The following ENKUR variants were observed in gnomAD, a reference collection of about 807,000 sequenced individuals.
The protein encoded by ENKUR is enkurin.
A neutral mutation model predicts 27.6 loss-of-function variants in ENKUR; 19 were observed. The observed-to-expected ratio is 0.69, with a 90% CI of 0.48 to 1.01. ENKUR has a LOEUF of 1.01. Ranked by LOEUF, ENKUR falls within the 50% of genes least tolerant of loss-of-function variation. The pLI is 0.00. For missense variants in ENKUR, 312 were observed against 310.5 expected (o/e 1.00, Z -0.04); for synonymous variants, 117 against 96.9 (o/e 1.21, Z -1.22).
intron 2 of ENKUR, among the ~76,000 whole-genome samples, chr10:25,060,943 A>G (rs1378456732): frequency 6.6e-6 from 1 of 151,662 alleles, no homozygotes; most frequent in Non-Finnish European, 1.5e-5. Flanking sequence ...TGAACTTCTG[A>G]TCTTAAGTGA....
intron 2 of ENKUR, chr10:25,025,279 G>A (rs759330650): frequency 1.2e-6 from 2 of 1,614,166 alleles, no homozygotes; most frequent in Non-Finnish European, 1.7e-6. Context: ...AGAAATCAAT[G>A]AGACTTCATC....
chr10:25,048,350 G>A (rs1851144005), intron 2 of ENKUR, among the ~76,000 whole-genome samples: 1 of 152,012 alleles, frequency 6.6e-6, no homozygotes, highest in Admixed American at 6.6e-5. Flanking sequence ...CAGAACTAGG[G>A]GTCTATATCC....
chr10:24,994,604 C>G (rs1484097675), intron 3 of ENKUR, among the ~76,000 whole-genome samples: 1 of 152,106 alleles, frequency 6.6e-6, no homozygotes, highest in African/African-American at 2.4e-5. Flanking sequence ...GCTGGGATTA[C>G]AGTTGTGAGC....
In ENKUR at chr10:25,024,908, C is replaced by T. The variant is rs774998745; in HGVS notation, c.38-29039G>A. 52 of 1,613,646 alleles carry T rather than the reference C, an allele frequency of 3.2e-5. No homozygotes were observed. Among genetic ancestry groups the T allele is most frequent in the Middle Eastern group, 1.6e-4 (1 of 6,084 alleles). On this transcript the variant is annotated intron_variant, in intron 2 of 5. Coordinates refer to the ENKUR transcript ENST00000615958. ...AGAAAACTAGCACAAACCTTTTCAC[C>T]GTCAATAGATATTCTCAAATCTTCA...
intron 2 of ENKUR, among the ~76,000 whole-genome samples, chr10:25,050,040 C>T (rs1851168269): frequency 6.6e-6 from 1 of 151,990 alleles, no homozygotes; most frequent in Non-Finnish European, 1.5e-5. Context: ...GGGGAGGAGG[C>T]ATGTCACATG....
At position 25,016,092 on chromosome 10, in the gene ENKUR, C is replaced by T; in HGVS notation, c.-156G>A. On this transcript the variant is annotated 5_prime_UTR_variant, in exon 1 of 6. Coordinates refer to ENST00000331161, the MANE Select transcript of ENKUR (RefSeq NM_145010.4). Reference sequence around the variant, plus strand: ...TCACATCGTCCCCCTTTAACCCCCTCTTAGCAGTCCTCTCTCGGGAAGAAA... The same window carrying T: ...TCACATCGTCCCCCTTTAACCCCCTTTTAGCAGTCCTCTCTCGGGAAGAAA... The T allele has an allele frequency of 7.5e-7, 1 of 1,328,108 alleles. No individual in the cohort carries two copies. The highest frequency in any genetic ancestry group is 9.7e-7 in the Non-Finnish European group (1 of 1,036,152). The allele number at this position is 1,328,108 out of a possible 1,614,324, so 82.3% of individuals were successfully genotyped here. A position where few individuals can be genotyped will look rare whatever the true frequency, so the allele number is the denominator to read the frequency against.
intron 2 of ENKUR, among the ~76,000 whole-genome samples, chr10:25,056,137 C>G (rs746168670): frequency 7.9e-5 from 12 of 152,190 alleles, no homozygotes; most frequent in Non-Finnish European, 1.5e-4. Context: ...GGTTAATCAG[C>G]TAGCCTGAGT....
chr10:25,059,193 C>A (rs1378394171), intron 2 of ENKUR, among the ~76,000 whole-genome samples: 1 of 143,996 alleles, frequency 6.9e-6, no homozygotes, highest in Non-Finnish European at 1.5e-5. Flanking sequence ...AGTGCAATGG[C>A]GCAATCTCTG....
intron 2 of ENKUR, among the ~76,000 whole-genome samples, chr10:25,031,792 A>G (rs1850938205): frequency 7.2e-6 from 1 of 138,514 alleles, no homozygotes; most frequent in Non-Finnish European, 1.5e-5. Flanking sequence ...TTTCATGGAT[A>G]CAAAAGTCTT....
intron 4 of ENKUR, among the ~76,000 whole-genome samples, chr10:24,986,528 G>T (rs1849783078): frequency 1.3e-5 from 2 of 152,174 alleles, no homozygotes; most frequent in South Asian, 4.1e-4. Flanking sequence ...TGTGAAAGAG[G>T]TTCCCACAGT....
upstream of ENKUR, among the ~76,000 whole-genome samples, chr10:25,016,454 G>A (rs191564268): frequency 6.6e-6 from 1 of 152,230 alleles, no homozygotes; most frequent in Non-Finnish European, 1.5e-5. Context: ...CCCCAATCGC[G>A]GTGTGGGCGG....
At chr10:25,030,044 C>T (rs968601241) in intron 2 of ENKUR, among the ~76,000 whole-genome samples, 1 of 152,162 alleles carries the variant, frequency 6.6e-6, no homozygotes, top group African/African-American at 2.4e-5. Flanking sequence ...GGTAATCCAA[C>T]GATTTTATCT....
At chr10:25,052,128 C>G (rs1851192782) in intron 2 of ENKUR, among the ~76,000 whole-genome samples, 2 of 151,972 alleles carry the variant, frequency 1.3e-5, no homozygotes, top group African/African-American at 4.8e-5. Flanking sequence ...TAGAATGTAC[C>G]AACAGGAGGG....
chr10:24,998,961 C>T (rs549633572), intron 2 of ENKUR, among the ~76,000 whole-genome samples: 67 of 152,254 alleles, frequency 4.4e-4, no homozygotes, highest in African/African-American at 1.5e-3. Flanking sequence ...AGTAAAAGCC[C>T]GTACTCAAAA....
intron 2 of ENKUR, among the ~76,000 whole-genome samples, chr10:25,045,740 TATTTTATGAAACAAG>T (rs1851114939): frequency 6.6e-6 from 1 of 152,192 alleles, no homozygotes. Flanking sequence ...GAGATTTTAA[TATTTTATGAAACAAG>T]ATTATAAACT....
chr10:25,020,641 C>T (rs1588672347), upstream of ENKUR, among the ~76,000 whole-genome samples: 1 of 151,708 alleles, frequency 6.6e-6, no homozygotes, highest in Non-Finnish European at 1.5e-5. Context: ...GTGATGCACA[C>T]CTGGTGGGAG....
At chr10:25,012,910 G>A (rs188165910) in intron 1 of ENKUR, among the ~76,000 whole-genome samples, 13 of 152,126 alleles carry the variant, frequency 8.5e-5, no homozygotes, top group African/African-American at 1.7e-4. Context: ...GCATCCCCAC[G>A]CAAATCTCAC....
In ENKUR at chr10:25,016,130, T is replaced by C. The variant is rs928303171; in HGVS notation, c.-194A>G. The C allele has an allele frequency of 4.0e-6, 5 of 1,250,026 alleles. No individual in the cohort carries two copies. In the African/African-American group the frequency reaches 6.2e-5, roughly 15 times the overall value. The allele number at this position is 1,250,026 out of a possible 1,614,324, so 77.4% of individuals were successfully genotyped here. ...TCTCGGGAAGAAAACACCCTATTTCTCTCCGGATTGCTAAGCGTCGTTGAC... is the reference window on the plus strand; with the variant it reads ...TCTCGGGAAGAAAACACCCTATTTCCCTCCGGATTGCTAAGCGTCGTTGAC... On this transcript the variant is annotated 5_prime_UTR_variant, in exon 1 of 6. Transcript: ENST00000331161.
chr10:25,058,424 T>C (rs1851284952), intron 2 of ENKUR, among the ~76,000 whole-genome samples: 1 of 152,100 alleles, frequency 6.6e-6, no homozygotes, highest in African/African-American at 2.4e-5. Flanking sequence ...TTCAAACTGG[T>C]GTCAAATTCC....
Sources: gnomAD v4.1 joint callset for allele counts (sites outside exome capture counted in the v4.1 genomes callset) on GRCh38, gnomAD v4.1.1 for gene constraint, MANE v1.5 for transcripts, NCBI Gene and HGNC (gene_info 2026-07-23, HGNC 2026-07-21) for gene names.